OSBPL9: variants seen among roughly 807,000 people sequenced by gnomAD.
OSBPL9 encodes oxysterol-binding protein-related protein 9.
In OSBPL9, 40 loss-of-function variants were observed where a neutral mutation model predicts 106.6. The observed-to-expected ratio is 0.38, with a 90% CI of 0.29 to 0.49. The LOEUF (loss-of-function observed/expected upper bound fraction) is 0.49. Ranked by LOEUF, OSBPL9 falls within the 20% of genes least tolerant of loss-of-function variation. The pLI, the probability that OSBPL9 is intolerant of heterozygous loss-of-function variation, is 0.97. For missense variants in OSBPL9, 609 were observed against 887.2 expected (o/e 0.69, Z 3.98); for synonymous variants, 269 against 295.4 (o/e 0.91, Z 0.92).
the OSBPL9 span, among the ~76,000 whole-genome samples, chr1:51,532,714 C>T: frequency 6.6e-6 from 1 of 151,878 alleles, no homozygotes; most frequent in African/African-American, 2.4e-5. Flanking sequence ...AATGAGAATG[C>T]AAGAGGAGGC....
At chr1:51,721,207 TGTATACAAGGTTATAAGA>T (rs1165906551) in intron 4 of OSBPL9, among the ~76,000 whole-genome samples, 80 of 152,126 alleles carry the variant, frequency 5.3e-4, no homozygotes, top group African/African-American at 1.8e-3. Flanking sequence ...CATGATACCT[TGTATACAAGGTTATAAGA>T]GTATACAAGG....
the OSBPL9 span, among the ~76,000 whole-genome samples, chr1:51,559,046 T>G: frequency 0.078 from 11,927 of 152,106 alleles, 1,312 homozygotes; most frequent in African/African-American, 0.25. Context: ...GGGTTGTGTT[T>G]GGAGGTGTCA....
intron 11 of OSBPL9, among the ~76,000 whole-genome samples, chr1:51,763,328 G>A (rs1186174123): frequency 2.6e-5 from 4 of 152,020 alleles, no homozygotes; most frequent in African/African-American, 9.7e-5. Context: ...ATTCGTTTAG[G>A]CTTAGGGTCT....
intron 1 of OSBPL9, among the ~76,000 whole-genome samples, chr1:51,631,384 C>G (rs1447480509): frequency 6.6e-6 from 1 of 151,790 alleles, no homozygotes; most frequent in Non-Finnish European, 1.5e-5. Flanking sequence ...CTACAAAAAA[C>G]TAAAAAAATT....
At chr1:51,574,340 C>A (rs1389943231), upstream of OSBPL9, among the ~76,000 whole-genome samples, 1 of 152,144 alleles carries the variant, frequency 6.6e-6, no homozygotes, top group Non-Finnish European at 1.5e-5. Context: ...ATGAAACAGG[C>A]CGGGCGCGGT....
rs763088278 is a variant in OSBPL9, at chr1:51,789,182, A to G, written c.*1393A>G. ...AGTATAACTAACTCCATAAAATACA[A>G]ACAAACACATTTTAAAATACACATT... On this transcript the variant is annotated 3_prime_UTR_variant, in exon 24 of 24. Coordinates refer to ENST00000428468, the MANE Select transcript of OSBPL9 (RefSeq NM_024586.6). 2.0e-6 allele frequency: 3 copies of G among 1,537,894 alleles called. No homozygotes were observed. The highest frequency in any genetic ancestry group is 2.7e-6 in the Non-Finnish European group (3 of 1,111,680).
the OSBPL9 span, among the ~76,000 whole-genome samples, chr1:51,536,681 G>A: frequency 3.3e-5 from 5 of 152,134 alleles, no homozygotes; most frequent in Non-Finnish European, 1.5e-5. Context: ...TATTATTCAC[G>A]ATATTCACAT....
At chr1:51,733,260 T>C (rs1664870037) in intron 4 of OSBPL9, among the ~76,000 whole-genome samples, 1 of 152,182 alleles carries the variant, frequency 6.6e-6, no homozygotes, top group Admixed American at 6.5e-5. Flanking sequence ...CCGGGGCCTT[T>C]GTCCCTAGTT....
the OSBPL9 span, among the ~76,000 whole-genome samples, chr1:51,526,373 G>A: frequency 6.6e-6 from 1 of 152,180 alleles, no homozygotes. Flanking sequence ...AAGGGTGGAA[G>A]GGGTGTTAGA....
At chr1:51,784,171 A>C in intron 18 of OSBPL9, 93 bp from the exon 19 acceptor site, 3 of 1,448,408 alleles carry the variant, frequency 2.1e-6, no homozygotes, top group Non-Finnish European at 2.9e-6. Flanking sequence ...CCCTAAATTG[A>C]ATGGAGTATC....
chr1:51,652,113 GT>G, intron 2 of OSBPL9, 72 bp downstream of exon 2: 1 of 1,214,776 alleles, frequency 8.2e-7, no homozygotes, highest in Non-Finnish European at 1.2e-6. Flanking sequence ...AATTATGGAA[GT>G]CTAAATTTAG....
the OSBPL9 span, among the ~76,000 whole-genome samples, chr1:51,530,170 CAAA>C: frequency 1.8e-4 from 2 of 11,034 alleles, no homozygotes; most frequent in Non-Finnish European, 3.3e-4. Context: ...GACTCTGTCT[CAAA>C]AAAAAAAAAA....
At chr1:51,765,760 C>G (rs1185090762) in intron 11 of OSBPL9, 62 bp from the exon 12 acceptor site, 21 of 1,432,690 alleles carry the variant, frequency 1.5e-5, no homozygotes, top group Admixed American at 4.8e-5. Flanking sequence ...TGCTTTGACT[C>G]CATCTCCCTA....
intron 11 of OSBPL9, among the ~76,000 whole-genome samples, chr1:51,762,181 G>A (rs12062229): frequency 0.24 from 36,594 of 151,992 alleles, 6,029 homozygotes; most frequent in African/African-American, 0.46. Context: ...TTATTTTTAA[G>A]TTTTTAAAAT....
At chr1:51,533,652 T>C in the OSBPL9 span, among the ~76,000 whole-genome samples, 1 of 151,706 alleles carries the variant, frequency 6.6e-6, no homozygotes, top group Non-Finnish European at 1.5e-5. Flanking sequence ...ATGGAGCAAA[T>C]GCAGCACATG....
intron 12 of OSBPL9, among the ~76,000 whole-genome samples, chr1:51,769,138 G>A (rs531408393): frequency 4.8e-4 from 73 of 152,268 alleles, no homozygotes; most frequent in African/African-American, 1.7e-3. Context: ...TCTCTGCCTG[G>A]CATCTGTAGC....
the OSBPL9 span, among the ~76,000 whole-genome samples, chr1:51,570,514 G>T: frequency 6.6e-6 from 1 of 152,128 alleles, no homozygotes; most frequent in Non-Finnish European, 1.5e-5. Flanking sequence ...CTTTATAGAT[G>T]AGCAGACCAA....
the OSBPL9 span, among the ~76,000 whole-genome samples, chr1:51,545,909 C>T: frequency 1.8e-4 from 28 of 152,188 alleles, no homozygotes; most frequent in African/African-American, 6.5e-4. Flanking sequence ...TAAGAGTAGA[C>T]TCTAGGAGGG....
chr1:51,748,038 C>G (rs2149012116), intron 6 of OSBPL9, among the ~76,000 whole-genome samples: 1 of 152,264 alleles, frequency 6.6e-6, no homozygotes, highest in Middle Eastern at 3.4e-3. Context: ...ATCCGCCCAC[C>G]TCGGCCTCCC....
Sources: gnomAD v4.1 joint callset for allele counts (sites outside exome capture counted in the v4.1 genomes callset) on GRCh38, gnomAD v4.1.1 for gene constraint, MANE v1.5 for transcripts, NCBI Gene and HGNC (gene_info 2026-07-23, HGNC 2026-07-21) for gene names.